Variants in SLC16A6 observed in about 807,000 individuals in gnomAD.
SLC16A6 encodes solute carrier family 16 member 6.
A neutral mutation model predicts 33.8 loss-of-function variants in SLC16A6; 15 were observed. That is an observed-to-expected ratio of 0.44 (90% CI 0.30 to 0.68). The LOEUF is 0.68. SLC16A6 is among the 30% of genes least tolerant of loss of function. The pLI, the probability that SLC16A6 is intolerant of heterozygous loss-of-function variation, is 0.10. For synonymous variants in SLC16A6, 219 were observed against 248.4 expected (o/e 0.88, Z 1.11); for missense variants, 451 against 661.5 (o/e 0.68, Z 3.49).
At chr17:68,277,775 C>A (rs1187053825) in intron 2 of SLC16A6, among the ~76,000 whole-genome samples, 5 of 152,150 alleles carry the variant, frequency 3.3e-5, no homozygotes, top group African/African-American at 1.2e-4. Flanking sequence ...ATCCTCACAT[C>A]CTCACAAAAG....
intron 5 of SLC16A6, among the ~76,000 whole-genome samples, chr17:68,269,672 G>GGTTTTTTTTTT (rs2075268166): frequency 1.9e-5 from 1 of 54,010 alleles, no homozygotes; most frequent in Admixed American, 2.1e-4. Flanking sequence ...GTTCACTTTA[G>GGTTTTTTTTTT]GTTTTTTTTT....
At chr17:68,291,336 G>T (rs868988874), upstream of SLC16A6, 1 of 141,606 alleles carries the variant, frequency 7.1e-6, no homozygotes, top group Non-Finnish European at 1.5e-5. Context: ...GACCCGGGCC[G>T]TGCGTGCTGC....
intron 1 of SLC16A6, among the ~76,000 whole-genome samples, chr17:68,281,186 T>C (rs534735402): frequency 6.6e-6 from 1 of 150,438 alleles, no homozygotes; most frequent in Non-Finnish European, 1.5e-5. Context: ...ATTTGCAAAC[T>C]ATTCATCTGA....
intron 2 of SLC16A6, among the ~76,000 whole-genome samples, chr17:68,275,585 C>G (rs1420844813): frequency 2.6e-5 from 4 of 152,080 alleles, no homozygotes; most frequent in Non-Finnish European, 5.9e-5. Flanking sequence ...AAAACTTAAG[C>G]TTTGGGATTT....
intron 1 of SLC16A6, among the ~76,000 whole-genome samples, chr17:68,288,322 T>A (rs2075891967): frequency 6.6e-6 from 1 of 152,124 alleles, no homozygotes; most frequent in African/African-American, 2.4e-5. Context: ...TTTTTTCCAT[T>A]CCTTCAGCAG....
intron 1 of SLC16A6, among the ~76,000 whole-genome samples, chr17:68,283,522 G>GA (rs368039909): frequency 0.24 from 26,333 of 111,994 alleles, 2,553 homozygotes; most frequent in Middle Eastern, 0.38. Context: ...CTCCGTATCA[G>GA]AAAAAAAAAA....
Position 68,269,247 on chromosome 17 carries a change from C to A in SLC16A6, c.1421G>T (p.Cys474Phe). ...AAVCLALVRP[C>F]KMGLCQHHHS... Reference sequence around the variant, plus strand: ...ATGATGCTGGCACAGTCCCATCTTACACGGTCTCACCAGGGCGAGGCACAC... The same window carrying A: ...ATGATGCTGGCACAGTCCCATCTTAAACGGTCTCACCAGGGCGAGGCACAC... The change falls in exon 6 of 6, where the codon TGT becomes TTT. Residue 474 changes from cysteine to phenylalanine, a missense_variant. Around this residue, in one of 2 missense-constraint regions of SLC16A6, gnomAD observed 46 missense variants for 150.8 expected, o/e 0.31. Coordinates refer to ENST00000580666, the MANE Select transcript of SLC16A6 (RefSeq NM_004694.5). 6.6e-7 allele frequency: 1 copy of A among 1,514,590 alleles called. No individual in the cohort carries two copies. The highest frequency in any genetic ancestry group is 9.0e-7 in the Non-Finnish European group (1 of 1,115,918). The allele number at this position is 1,514,590 out of a possible 1,614,324, so 93.8% of individuals were successfully genotyped here. A position where few individuals can be genotyped will look rare whatever the true frequency, so the allele number is the denominator to read the frequency against.
chr17:68,280,540 A>G (rs1555752334), intron 1 of SLC16A6, among the ~76,000 whole-genome samples: 1 of 152,260 alleles, frequency 6.6e-6, no homozygotes, highest in African/African-American at 2.4e-5. Context: ...TCATTGGAGA[A>G]AGTTCAGTCT....
intron 2 of SLC16A6, among the ~76,000 whole-genome samples, chr17:68,275,647 A>G (rs2075489467): frequency 6.6e-6 from 1 of 152,144 alleles, no homozygotes; most frequent in Non-Finnish European, 1.5e-5. Context: ...TTCATTTGTT[A>G]TCTTTCTAAG....
intron 1 of SLC16A6, among the ~76,000 whole-genome samples, chr17:68,282,367 G>T (rs1555753087): frequency 1.3e-5 from 2 of 152,084 alleles, no homozygotes; most frequent in Non-Finnish European, 1.5e-5. Context: ...TTGGGGGAAG[G>T]GGGAGGGATA....
intron 1 of SLC16A6, among the ~76,000 whole-genome samples, chr17:68,289,068 G>A (rs529005014): frequency 7.2e-5 from 11 of 152,240 alleles, no homozygotes; most frequent in African/African-American, 2.4e-4. Flanking sequence ...AGTATTGGCC[G>A]GGTGCGGTAG....
At chr17:68,275,362 A>G (rs1405627002) in intron 2 of SLC16A6, among the ~76,000 whole-genome samples, 2 of 152,174 alleles carry the variant, frequency 1.3e-5, no homozygotes, top group Admixed American at 6.5e-5. Flanking sequence ...TTTTTGGGTT[A>G]GTCTATATGT....
At chr17:68,270,535 T>A (rs1216078911) in intron 5 of SLC16A6, among the ~76,000 whole-genome samples, 202 of 142,828 alleles carry the variant, frequency 1.4e-3, no homozygotes, top group Non-Finnish European at 2.6e-3. Context: ...GCCTGGGTGA[T>A]AGAGCGAGAC....
At position 68,270,827 on chromosome 17, in the gene SLC16A6, T is replaced by C. The variant is rs782726087; in HGVS notation, c.1321+12A>G. 6.3e-7 allele frequency: 1 copy of C among 1,582,972 alleles called. No homozygotes were observed. ...AGTAGACAAGTGTTTGTATTTTGTGTATTTAAATTACCTGCAAGGGGCGGT... is the reference window on the plus strand; with the variant it reads ...AGTAGACAAGTGTTTGTATTTTGTGCATTTAAATTACCTGCAAGGGGCGGT... On this transcript the variant is annotated intron_variant, in intron 5 of 5. Coordinates refer to ENST00000580666, the MANE Select transcript of SLC16A6 (RefSeq NM_004694.5).
intron 2 of SLC16A6, chr17:68,274,278 C>A (rs2144998774): frequency 4.6e-6 from 2 of 438,540 alleles, no homozygotes; most frequent in East Asian, 3.5e-5. Context: ...CTAGCCCGGG[C>A]AACATGGTGA....
At chr17:68,274,651 A>G (rs1555750318) in intron 2 of SLC16A6, 2 of 152,230 alleles carry the variant, frequency 1.3e-5, no homozygotes, top group African/African-American at 4.8e-5. Context: ...AAAATTAGAT[A>G]TGTATTGAAT....
At chr17:68,273,696 T>G (rs1357274981) in intron 3 of SLC16A6, among the ~76,000 whole-genome samples, 1 of 151,998 alleles carries the variant, frequency 6.6e-6, no homozygotes, top group Non-Finnish European at 1.5e-5. Flanking sequence ...AGAGAAATTA[T>G]CATCATCTTT....
chr17:68,272,313 A>G (rs1599498895), intron 4 of SLC16A6, among the ~76,000 whole-genome samples: 1 of 152,214 alleles, frequency 6.6e-6, no homozygotes, highest in Non-Finnish European at 1.5e-5. Flanking sequence ...TCCACATTGA[A>G]TGTAGCTCTT....
intron 1 of SLC16A6, among the ~76,000 whole-genome samples, chr17:68,285,339 G>A (rs2075816375): frequency 6.6e-6 from 1 of 152,230 alleles, no homozygotes; most frequent in African/African-American, 2.4e-5. Context: ...GAGACGTGGA[G>A]TGCAGTGGCA....
Sources: allele counts gnomAD v4.1 joint callset (sites outside exome capture counted in the v4.1 genomes callset), GRCh38; gene constraint gnomAD v4.1.1; regional missense constraint gnomAD v4.1.1; transcripts MANE v1.5; gene names NCBI Gene and HGNC (gene_info 2026-07-23, HGNC 2026-07-21).